INCA1: variants seen among roughly 807,000 people sequenced by gnomAD.
INCA1 encodes the protein inhibitor of CDK, cyclin A1 interacting protein 1.
A neutral mutation model predicts 25.7 loss-of-function variants in INCA1; 28 were observed. That is an observed-to-expected ratio of 1.09 (90% CI 0.81 to 1.49). INCA1 has a LOEUF of 1.49. Ranked by LOEUF, INCA1 falls within the 40% of genes most tolerant of loss-of-function variation. INCA1 has a pLI of 0.00. For synonymous variants in INCA1, 111 were observed against 103.6 expected (o/e 1.07, Z -0.43); for missense variants, 309 against 290.9 (o/e 1.06, Z -0.45).
chr17:4,989,905 G>A, exon 4 of INCA1: 2 of 1,614,236 alleles, frequency 1.2e-6, no homozygotes, highest in Non-Finnish European at 1.7e-6. Flanking sequence ...TGGGTGGAAT[G>A]TGCTGCTCCT....
exon 6 of INCA1, chr17:4,988,816 T>A: frequency 6.2e-7 from 1 of 1,614,222 alleles, no homozygotes. Context: ...GTCCTCTTCC[T>A]GTGGATAGGT....
At chr17:4,995,997 A>G (rs1974220009) in intron 1 of INCA1, 1 of 152,120 alleles carries the variant, frequency 6.6e-6, no homozygotes, top group Non-Finnish European at 1.5e-5. Flanking sequence ...GGTGACAGGG[A>G]AGGAGGGGGC....
At chr17:4,995,489 T>G (rs1456064541) in intron 1 of INCA1, among the ~76,000 whole-genome samples, 2 of 151,478 alleles carry the variant, frequency 1.3e-5, no homozygotes, top group South Asian at 2.1e-4. Context: ...CAACTATGAG[T>G]GGTTAGTGAA....
chr17:4,994,448 G>T (rs761128466), exon 2 of INCA1: 1 of 1,613,626 alleles, frequency 6.2e-7, no homozygotes, highest in Non-Finnish European at 8.5e-7. Flanking sequence ...GACTGGACGG[G>T]GCTGGGTAGT....
chr17:4,988,513 A>C, exon 7 of INCA1: 4 of 1,613,754 alleles, frequency 2.5e-6, no homozygotes, highest in Middle Eastern at 1.7e-4. Context: ...TGGAGGCACA[A>C]GCCTCCTCCT....
At chr17:4,990,541 C>T (rs1277787970) in intron 2 of INCA1, among the ~76,000 whole-genome samples, 1 of 152,090 alleles carries the variant, frequency 6.6e-6, no homozygotes, top group African/African-American at 2.4e-5. Context: ...TTTTGGCTTC[C>T]TGGGCCACAT....
At chr17:4,990,371 G>T in intron 2 of INCA1, 106 bp from the exon 3 acceptor site, 1 of 1,284,144 alleles carries the variant, frequency 7.8e-7, no homozygotes. Flanking sequence ...AAGCTGCCCA[G>T]GTTCCCTCGG....
At chr17:4,989,989 C>A in intron 3 of INCA1, 60 bp from the exon 4 acceptor site, 1 of 1,612,412 alleles carries the variant, frequency 6.2e-7, no homozygotes, top group Non-Finnish European at 8.5e-7. Flanking sequence ...CATATTGCTT[C>A]TTTAATAATC....
At position 4,990,139 on chromosome 17, in the gene INCA1, C is replaced by T. The variant is rs906821285; in HGVS notation, c.158+13G>A. On this transcript the variant is annotated intron_variant, in intron 3 of 6. Coordinates refer to ENST00000576820, the Ensembl canonical transcript of INCA1. ...ACCACATCCAGTTAGTTTCCATTTTCTCCTCTACTCACGTGGGCCTTTGAT... is the reference window on the plus strand; with the variant it reads ...ACCACATCCAGTTAGTTTCCATTTTTTCCTCTACTCACGTGGGCCTTTGAT... 6.2e-7 allele frequency: 1 copy of T among 1,613,984 alleles called. No individual in the cohort carries two copies. The highest frequency in any genetic ancestry group is 8.5e-7 in the Non-Finnish European group (1 of 1,180,014).
chr17:4,995,286 G>A (rs557655582), intron 1 of INCA1, among the ~76,000 whole-genome samples: 2 of 152,308 alleles, frequency 1.3e-5, no homozygotes, highest in East Asian at 3.8e-4. Context: ...AAAAGTGGAT[G>A]TGGTAAAAAG....
intron 6 of INCA1, 43 bp from the exon 7 acceptor site, chr17:4,988,597 G>C: frequency 6.2e-7 from 1 of 1,605,470 alleles, no homozygotes; most frequent in Non-Finnish European, 8.5e-7. Context: ...GGAAAAGTAG[G>C]TCTTCTTTCC....
chr17:4,990,929 G>T (rs1225854315), intron 2 of INCA1, among the ~76,000 whole-genome samples: 1 of 150,262 alleles, frequency 6.7e-6, no homozygotes, highest in Admixed American at 6.7e-5. Context: ...TTTTATTTAT[G>T]TATTTATTGA....
chr17:4,990,006 G>A (rs755119198), intron 3 of INCA1, 77 bp from the exon 4 acceptor site: 182 of 1,611,648 alleles, frequency 1.1e-4, no homozygotes, highest in Admixed American at 3.5e-4. Flanking sequence ...AATCTCTCCC[G>A]ACCTCCTTTC....
chr17:4,990,081 T>G, intron 3 of INCA1, 71 bp downstream of exon 3: 1 of 1,610,400 alleles, frequency 6.2e-7, no homozygotes, highest in Admixed American at 1.7e-5. Context: ...GGCCTATTGC[T>G]ATATGGGTTT....
exon 5 of INCA1, chr17:4,989,550 T>A (rs2143167501): frequency 6.2e-7 from 1 of 1,614,226 alleles, no homozygotes; most frequent in Non-Finnish European, 8.5e-7. Flanking sequence ...TCCTCTTCTT[T>A]CTTCTCCAAA....
intron 2 of INCA1, among the ~76,000 whole-genome samples, chr17:4,993,069 G>A (rs1009433631): frequency 6.6e-6 from 1 of 151,356 alleles, no homozygotes; most frequent in African/African-American, 2.4e-5. Context: ...TAGTAGAGAC[G>A]AGGTTTCACC....
chr17:4,990,005 C>T (rs1973743547), intron 3 of INCA1, 76 bp from the exon 4 acceptor site: 7 of 1,611,610 alleles, frequency 4.3e-6, no homozygotes, highest in South Asian at 2.2e-5. Flanking sequence ...TAATCTCTCC[C>T]GACCTCCTTT....
intron 2 of INCA1, among the ~76,000 whole-genome samples, chr17:4,992,633 C>T (rs1039855917): frequency 5.1e-5 from 7 of 138,492 alleles, no homozygotes; most frequent in African/African-American, 1.5e-4. Flanking sequence ...CTCCCCTCTC[C>T]TCCCTTCCCC....
chr17:4,994,509 G>A (rs891916172), intron 1 of INCA1, 34 bp from the exon 2 acceptor site: 46 of 1,547,132 alleles, frequency 3.0e-5, no homozygotes, highest in East Asian at 9.0e-5. Flanking sequence ...TCATTCATTC[G>A]GGCTGGATGT....
Sources: allele counts gnomAD v4.1 joint callset (sites outside exome capture counted in the v4.1 genomes callset), GRCh38; gene constraint gnomAD v4.1.1; transcripts MANE v1.5; gene names NCBI Gene and HGNC (gene_info 2026-07-23, HGNC 2026-07-21).